RIMS1: variants seen among roughly 807,000 people sequenced by gnomAD.
RIMS1 encodes the protein regulating synaptic membrane exocytosis protein 1.
RIMS1 carries 83 observed loss-of-function variants against 214.1 expected under a neutral mutation model. That is an observed-to-expected ratio of 0.39 (90% CI 0.32 to 0.47). The LOEUF is 0.47. Among genes scored for constraint, RIMS1 ranks in the 20% least tolerant of loss-of-function variants. RIMS1 has a pLI of 0.99. For missense variants in RIMS1, 2,050 were observed against 2,161.8 expected (o/e 0.95, Z 1.03); for synonymous variants, 793 against 786.8 (o/e 1.01, Z -0.13).
chr6:71,955,866 G>A (rs2151188920), intron 1 of RIMS1, among the ~76,000 whole-genome samples: 1 of 152,148 alleles, frequency 6.6e-6, no homozygotes, highest in South Asian at 2.1e-4. Flanking sequence ...AAGTAAGGGG[G>A]TTATTTTGAG....
intron 19 of RIMS1, chr6:72,260,975 T>C: frequency 7.4e-7 from 1 of 1,344,828 alleles, no homozygotes; most frequent in South Asian, 1.5e-5. Flanking sequence ...TTGCCATCTG[T>C]AGATTCAAAA....
intron 29 of RIMS1, among the ~76,000 whole-genome samples, chr6:72,363,895 T>C (rs1186995805): frequency 1.3e-5 from 2 of 152,266 alleles, no homozygotes; most frequent in African/African-American, 4.8e-5. Context: ...TTTGATTTAG[T>C]ACTTGGTGGT....
intron 23 of RIMS1, 145 bp from the exon 24 acceptor site, chr6:72,283,902 G>T (rs567129409): frequency 5.2e-6 from 3 of 581,344 alleles, no homozygotes; most frequent in East Asian, 3.0e-5. Flanking sequence ...TCATTTATTT[G>T]TTTATTTAGT....
chr6:72,268,654 G>T (rs530567173), intron 22 of RIMS1, among the ~76,000 whole-genome samples: 1 of 152,086 alleles, frequency 6.6e-6, no homozygotes, highest in East Asian at 1.9e-4. Context: ...TACACCTATC[G>T]TTTCTCCCTT....
intron 26 of RIMS1, among the ~76,000 whole-genome samples, chr6:72,299,359 A>G (rs1191728325): frequency 1.3e-5 from 2 of 151,946 alleles, no homozygotes; most frequent in Non-Finnish European, 2.9e-5. Context: ...ATACACATGG[A>G]GAATGAAAGG....
intron 4 of RIMS1, among the ~76,000 whole-genome samples, chr6:72,144,801 C>T (rs2153889202): frequency 6.6e-6 from 1 of 152,122 alleles, no homozygotes; most frequent in African/African-American, 2.4e-5. Context: ...GAGGGTTAGT[C>T]TAAAATGCAG....
intron 4 of RIMS1, among the ~76,000 whole-genome samples, chr6:72,169,013 CA>C (rs921949716): frequency 6.6e-6 from 1 of 152,044 alleles, no homozygotes; most frequent in Non-Finnish European, 1.5e-5. Context: ...GAAGCATGAT[CA>C]TTTCTGTTTT....
intron 29 of RIMS1, among the ~76,000 whole-genome samples, chr6:72,350,858 C>G (rs2097423891): frequency 6.6e-6 from 1 of 152,084 alleles, no homozygotes; most frequent in African/African-American, 2.4e-5. Context: ...TTATTGAAAG[C>G]TTTTAAAATA....
rs1038757088 is a variant in RIMS1 at position 72,204,701 on chromosome 6, G to A, written c.1678+21552G>A. Among the ~76,000 whole-genome samples, 3 of 152,116 alleles carry A rather than the reference G, an allele frequency of 2.0e-5. No homozygotes were observed. In the East Asian group the frequency reaches 5.8e-4, roughly 29 times the overall value. On this transcript the variant is annotated intron_variant, in intron 6 of 33. Transcript: ENST00000521978. Reference sequence around the variant, plus strand: ...AATCATCTTTCTACATTTATATATTGTTTTATGGTTACTAAAGTGATAGTT... The same window carrying A: ...AATCATCTTTCTACATTTATATATTATTTTATGGTTACTAAAGTGATAGTT...
Position 72,400,873 on chromosome 6 carries a change from A to G in RIMS1, c.*159A>G, listed in dbSNP as rs1163154154. Reference sequence around the variant, plus strand: ...ATATGTCCCAATTGTTATTTAAAACATGGCTTCATATGACAGAACAAGGCA... The same window carrying G: ...ATATGTCCCAATTGTTATTTAAAACGTGGCTTCATATGACAGAACAAGGCA... On this transcript the variant is annotated 3_prime_UTR_variant, in exon 34 of 34. Coordinates refer to ENST00000521978, the MANE Select transcript of RIMS1 (RefSeq NM_014989.7). The G allele has an allele frequency of 9.9e-6, 6 of 604,662 alleles. No individual in the cohort carries two copies. In the East Asian group the frequency reaches 1.1e-4, roughly 11 times the overall value. 37.5% of individuals were successfully genotyped at this position (604,662 alleles called of 1,614,324 possible).
intron 7 of RIMS1, 150 bp downstream of exon 7, chr6:72,233,990 G>T (rs2063067402): frequency 1.4e-5 from 7 of 516,044 alleles, no homozygotes; most frequent in Non-Finnish European, 2.5e-5. Flanking sequence ...AAGAAAAAAA[G>T]TTATTACTGG....
chr6:72,270,580 A>G (rs1378363389), intron 22 of RIMS1, among the ~76,000 whole-genome samples: 1 of 152,174 alleles, frequency 6.6e-6, no homozygotes, highest in Non-Finnish European at 1.5e-5. Flanking sequence ...TTTTCAATAT[A>G]AGTACTTTGA....
chr6:72,218,855 A>C (rs2057345138), intron 6 of RIMS1, among the ~76,000 whole-genome samples: 1 of 152,208 alleles, frequency 6.6e-6, no homozygotes, highest in Non-Finnish European at 1.5e-5. Flanking sequence ...GAGGGCAATA[A>C]CTTTATTAGT....
intron 2 of RIMS1, among the ~76,000 whole-genome samples, chr6:71,998,187 T>C (rs928155826): frequency 2.0e-5 from 3 of 152,174 alleles, no homozygotes; most frequent in African/African-American, 7.2e-5. Context: ...ATCTACTTTA[T>C]GTGGATTTTC....
At chr6:72,259,714 A>G (rs541174385) in intron 18 of RIMS1, among the ~76,000 whole-genome samples, 62 of 152,286 alleles carry the variant, frequency 4.1e-4, no homozygotes, top group Admixed American at 1.5e-3. Context: ...CTATAAGTCT[A>G]CATTATGAAT....
chr6:72,213,075 A>G, intron 6 of RIMS1: 1 of 1,535,892 alleles, frequency 6.5e-7, no homozygotes, highest in African/African-American at 1.4e-5. Context: ...TGGTTTAAAC[A>G]GCAAGGCTTA....
intron 2 of RIMS1, among the ~76,000 whole-genome samples, chr6:72,009,859 G>A (rs1315458853): frequency 1.3e-5 from 2 of 152,100 alleles, no homozygotes; most frequent in African/African-American, 2.4e-5. Context: ...AAAAAATCCA[G>A]GACCAGACAG....
intron 1 of RIMS1, among the ~76,000 whole-genome samples, chr6:71,905,621 T>G (rs1775027654): frequency 6.6e-6 from 1 of 152,132 alleles, no homozygotes; most frequent in Admixed American, 6.6e-5. Context: ...CTAGTTTACT[T>G]TCCTTGATTT....
At chr6:72,263,023 A>G (rs1230793400) in intron 19 of RIMS1, 1 of 796,444 alleles carries the variant, frequency 1.3e-6, no homozygotes, top group African/African-American at 1.9e-5. Flanking sequence ...TTTACGACTA[A>G]TAGAGTAAGG....
Sources: allele counts gnomAD v4.1 joint callset (sites outside exome capture counted in the v4.1 genomes callset), GRCh38; gene constraint gnomAD v4.1.1; transcripts MANE v1.5; gene names NCBI Gene and HGNC (gene_info 2026-07-23, HGNC 2026-07-21).